Variants in INPP5B observed in about 807,000 individuals in gnomAD.
The protein encoded by INPP5B is type II inositol 1,4,5-trisphosphate 5-phosphatase.
In INPP5B, 90 loss-of-function variants were observed where a neutral mutation model predicts 118.5. That is an observed-to-expected ratio of 0.76 (90% confidence interval 0.64 to 0.90). The LOEUF (loss-of-function observed/expected upper bound fraction) is 0.90, where lower values mean the gene tolerates loss of function less well. Ranked by LOEUF, INPP5B falls within the 40% of genes least tolerant of loss-of-function variation. The pLI is 0.00. For missense variants in INPP5B, 984 were observed against 1,125.6 expected, an observed-to-expected ratio of 0.87 and a Z score of 1.80; for synonymous variants, 385 against 418.9, an observed-to-expected ratio of 0.92 and a Z score of 0.99.
At chr1:37,920,452 G>A (rs1247563453) in intron 7 of INPP5B, among the ~76,000 whole-genome samples, 1 of 151,832 alleles carries the variant, frequency 6.6e-6, no homozygotes, top group Non-Finnish European at 1.5e-5. Context: ...ATCACTTGAG[G>A]TCAGGAGTTC....
At chr1:37,906,325 G>C (rs1644499806) in intron 7 of INPP5B, among the ~76,000 whole-genome samples, 1 of 152,144 alleles carries the variant, frequency 6.6e-6, no homozygotes, top group Non-Finnish European at 1.5e-5. Flanking sequence ...CCAACTTACA[G>C]GTACTTCAGG....
At position 37,907,992 on chromosome 1, in the gene INPP5B, C is replaced by G. The variant is rs552389680; in HGVS notation, c.533-16538G>C. Among the ~76,000 whole-genome samples the G allele has an allele frequency of 4.6e-5, 7 of 151,992 alleles. No individual in the cohort carries two copies. Among genetic ancestry groups the G allele is most frequent in the African/African-American group, 9.7e-5 (4 of 41,400 alleles). Reference sequence around the variant, plus strand: ...CTAAGTGATAGGCTATGTTCTCCCCCGCCCTTAAGAAGGTACTTTGTAATA... The same window carrying G: ...CTAAGTGATAGGCTATGTTCTCCCCGGCCCTTAAGAAGGTACTTTGTAATA... On this transcript the variant is annotated intron_variant, in intron 7 of 23. Transcript: ENST00000373024. This position sits in a 1 kb window ranked among gnomAD's most constrained non-coding sequence, Gnocchi z 4.3.
intron 6 of INPP5B, among the ~76,000 whole-genome samples, chr1:37,938,295 A>AAATAAATC (rs146988606): frequency 0.29 from 44,575 of 151,140 alleles, 7,816 homozygotes; most frequent in Non-Finnish European, 0.39. Context: ...ATAAATAAAT[A>AAATAAATC]AATAAATAAA....
Position 37,891,238 on chromosome 1 carries a change from A to AG in INPP5B, c.629+119_629+120insC, listed in dbSNP as rs1643829031. 5 of 644,342 alleles carry AG rather than the reference A, an allele frequency of 7.8e-6. No individual in the cohort carries two copies. The East Asian group carries it at 1.4e-4, about 18-fold the overall frequency. 39.9% of individuals were successfully genotyped at this position (644,342 alleles called of 1,614,324 possible). On this transcript the variant is annotated intron_variant, in intron 8 of 23. Transcript: ENST00000373024. ...GCGAAACTCTGTCTCAAAAAAAAAA[A>AG]AAAAGGACACTTCCTAGGCCAGCTA...
intron 7 of INPP5B, among the ~76,000 whole-genome samples, chr1:37,920,129 A>G (rs982118574): frequency 5.3e-5 from 8 of 152,348 alleles, no homozygotes; most frequent in Middle Eastern, 6.8e-3. Context: ...AAGAGCACAC[A>G]GTAGTAAATG....
chr1:37,875,832 A>T, intron 16 of INPP5B, 116 bp from the exon 17 acceptor site: 1 of 687,780 alleles, frequency 1.5e-6, no homozygotes, highest in Non-Finnish European at 2.6e-6. Context: ...CAGAAAACAA[A>T]GGCTATAGAT....
At chr1:37,917,303 A>T (rs1480669710) in intron 7 of INPP5B, among the ~76,000 whole-genome samples, 2 of 24,246 alleles carry the variant, frequency 8.2e-5, no homozygotes, top group East Asian at 2.4e-3. Flanking sequence ...GAAAAAAAAA[A>T]ATAATTATAT....
chr1:37,917,698 G>A (rs1006630716), intron 7 of INPP5B, among the ~76,000 whole-genome samples: 1 of 152,078 alleles, frequency 6.6e-6, no homozygotes, highest in African/African-American at 2.4e-5. Flanking sequence ...GGGAGTTCAC[G>A]ATGGGAGGAT....
rs1269807726 is a variant in INPP5B at position 37,873,964 on chromosome 1, T to C, written c.1951+29A>G. ...AGAGTAAGGCATTCCCCAAACCAGA[T>C]ACCAGGAAGCTAGGAACAGAGGCCT... On this transcript the variant is annotated intron_variant, in intron 18 of 23. Transcript: ENST00000373024. The C allele has an allele frequency of 3.3e-6, 5 of 1,495,380 alleles. No individual in the cohort carries two copies. The East Asian group carries it at 7.0e-5, about 21-fold the overall frequency. 92.6% of individuals were successfully genotyped at this position (1,495,380 alleles called of 1,614,324 possible). A position where few individuals can be genotyped will look rare whatever the true frequency, so the allele number is the denominator to read the frequency against.
In INPP5B at chr1:37,885,657, G is replaced by C; in HGVS notation, c.1300C>G (p.Leu434Val). The C allele has an allele frequency of 3.7e-6, 6 of 1,613,854 alleles. No individual in the cohort carries two copies. The highest frequency in any genetic ancestry group is 5.1e-6 in the Non-Finnish European group (6 of 1,179,986). ...FCQPDPSLPP[L>V]TISNHDVILW... is the part of the protein sequence containing the mutation. ...ACTCACTCATGGTTGCTGATGGTGA[G>C]AGGGGGAAGGCTTGGGTCAGGCTGA... is the stretch of plus-strand genomic sequence containing the variant. Residue 434 changes from leucine to valine, a missense_variant, in exon 13 of 24, where the codon CTC becomes GTC. By Grantham distance (32) the Leu-to-Val change is conservative (BLOSUM62 1). Coordinates refer to ENST00000373024, the MANE Select transcript of INPP5B (RefSeq NM_005540.3).
intron 7 of INPP5B, among the ~76,000 whole-genome samples, chr1:37,906,493 T>A (rs1327301422): frequency 6.6e-6 from 1 of 152,188 alleles, no homozygotes; most frequent in Non-Finnish European, 1.5e-5. Context: ...ATAAAGCAAA[T>A]CGGTCTTACC....
At position 37,946,399 on chromosome 1, in the gene INPP5B, C is replaced by T. The variant is rs946092101; in HGVS notation, c.-26-65G>A. The T allele has an allele frequency of 4.0e-6, 5 of 1,244,944 alleles. No individual in the cohort carries two copies. The African/African-American group carries it at 7.4e-5, about 18-fold the overall frequency. The allele number at this position is 1,244,944 out of a possible 1,614,324, so 77.1% of individuals were successfully genotyped here. A position where few individuals can be genotyped will look rare whatever the true frequency, so the allele number is the denominator to read the frequency against. ...GTTACGCATGGGGTGGTGGAGCTGC[C>T]TCAGAGGGGTTGGGGGCAGGAGGGA... On this transcript the variant is annotated intron_variant, in intron 1 of 23. Transcript: ENST00000373024.
intron 7 of INPP5B, among the ~76,000 whole-genome samples, chr1:37,924,613 A>G (rs1408717654): frequency 1.3e-5 from 2 of 151,744 alleles, no homozygotes; most frequent in African/African-American, 4.8e-5. Flanking sequence ...CACGTTTAAT[A>G]TCGTACAAAG....
In INPP5B at chr1:37,924,222, G is replaced by A. The variant is rs577059735; in HGVS notation, c.532+7691C>T. Among the ~76,000 whole-genome samples, 24 of 151,746 alleles carry A rather than the reference G, an allele frequency of 1.6e-4. No homozygotes were observed. In the South Asian group the frequency reaches 4.4e-3, roughly 28 times the overall value. ...GTCTCGCTCTTGCCCAGGCTGGAGT[G>A]CAGTGGCGTGATCTCGGCTCACTGC... On this transcript the variant is annotated intron_variant, in intron 7 of 23. Coordinates refer to ENST00000373024, the MANE Select transcript of INPP5B (RefSeq NM_005540.3).
chr1:37,907,620 G>C lies in INPP5B; in HGVS notation c.533-16166C>G, dbSNP rs565778372. Among the ~76,000 whole-genome samples, 31 of 152,290 alleles carry C rather than the reference G, an allele frequency of 2.0e-4. No individual in the cohort carries two copies. The highest frequency in any genetic ancestry group is 7.5e-4 in the African/African-American group (31 of 41,550). ...GATGTGAGGGTCAGCACAAGGCACA[G>C]GTCATAAAGACCTTGCTGATAAAAC... On this transcript the variant is annotated intron_variant, in intron 7 of 23. Transcript: ENST00000373024. The surrounding 1 kb of genome is among the most constrained non-coding windows in gnomAD (Gnocchi z 4.3).
intron 6 of INPP5B, among the ~76,000 whole-genome samples, chr1:37,936,106 A>C (rs1256016264): frequency 6.6e-6 from 1 of 152,080 alleles, no homozygotes; most frequent in Admixed American, 6.6e-5. Flanking sequence ...ATGGTTCCCC[A>C]TAAGCTATAG....
In INPP5B at chr1:37,896,005, G is replaced by A. The variant is rs1644034195; in HGVS notation, c.533-4551C>T. ...TGGGATGTGAGGAGCCCCTCTGCCTGGCTGCCCAGTCTGGAAAGTGAGGAG... is the reference window on the plus strand; with the variant it reads ...TGGGATGTGAGGAGCCCCTCTGCCTAGCTGCCCAGTCTGGAAAGTGAGGAG... On this transcript the variant is annotated intron_variant, in intron 7 of 23. Transcript: ENST00000373024. Among the ~76,000 whole-genome samples, 4 of 148,716 alleles carry A rather than the reference G, an allele frequency of 2.7e-5. No homozygotes were observed. In the South Asian group the frequency reaches 8.6e-4, roughly 32 times the overall value.
At chr1:37,876,812 G>A (rs1205516107) in intron 16 of INPP5B, among the ~76,000 whole-genome samples, 3 of 151,774 alleles carry the variant, frequency 2.0e-5, no homozygotes, top group Non-Finnish European at 2.9e-5. Flanking sequence ...CCTGGGAGGC[G>A]GAGCTTGCAG....
intron 14 of INPP5B, among the ~76,000 whole-genome samples, chr1:37,880,423 T>TTTTATTTATTTATTTA (rs71278742): frequency 0.01 from 1,534 of 149,840 alleles, 18 homozygotes; most frequent in Non-Finnish European, 0.014. Context: ...GTTTTTAATG[T>TTTTATTTATTTATTTA]TTTATTTATT....
Sources: gnomAD v4.1 joint callset for allele counts (sites outside exome capture counted in the v4.1 genomes callset) on GRCh38, gnomAD v4.1.1 for gene constraint, Gnocchi (gnomAD v3.1) non-coding constraint, MANE v1.5 for transcripts, NCBI Gene and HGNC (gene_info 2026-07-23, HGNC 2026-07-21) for gene names.